PTPRD: variants seen among roughly 807,000 people sequenced by gnomAD.
PTPRD encodes receptor-type tyrosine-protein phosphatase delta.
Under a neutral mutation model 214.5 loss-of-function variants are expected in PTPRD, and 34 were observed. The ratio of observed to expected loss-of-function variants is 0.16; its 90% CI spans 0.12 to 0.21. The LOEUF (loss-of-function observed/expected upper bound fraction) is 0.21. Among genes scored for constraint, PTPRD ranks in the 10% least tolerant of loss-of-function variants. The pLI is 1.00. For synonymous variants in PTPRD, 1,128 were observed against 845.7 expected (o/e 1.33, Z -5.79); for missense variants, 2,545 against 2,398.7 (o/e 1.06, Z -1.27).
chr9:9,873,214 A>C (rs1317194857), intron 5 of PTPRD, among the ~76,000 whole-genome samples: 1 of 152,184 alleles, frequency 6.6e-6, no homozygotes, highest in African/African-American at 2.4e-5. Context: ...CTGTCTACTT[A>C]ACATGGAAAG....
intron 9 of PTPRD, among the ~76,000 whole-genome samples, chr9:9,305,390 A>T (rs889841039): frequency 6.6e-6 from 1 of 152,122 alleles, no homozygotes; most frequent in Non-Finnish European, 1.5e-5. Flanking sequence ...GGCTCTATTT[A>T]GTGTGAGGCA....
intron 3 of PTPRD, among the ~76,000 whole-genome samples, chr9:10,057,350 C>T (rs1339576859): frequency 6.6e-6 from 1 of 152,050 alleles, no homozygotes; most frequent in Non-Finnish European, 1.5e-5. Flanking sequence ...GAAATAGTCA[C>T]AAAGATGTTG....
At chr9:9,321,886 G>A (rs1257120954) in intron 9 of PTPRD, among the ~76,000 whole-genome samples, 1 of 152,106 alleles carries the variant, frequency 6.6e-6, no homozygotes, top group African/African-American at 2.4e-5. Context: ...TAACTTTATG[G>A]TAATAGACCT....
chr9:10,047,312 C>CGTGTGTGTGTG (rs1316571345), intron 3 of PTPRD, among the ~76,000 whole-genome samples: 3,130 of 138,774 alleles, frequency 0.023, 113 homozygotes, highest in African/African-American at 0.073. Flanking sequence ...AATCAACTAA[C>CGTGTGTGTGTG]TGTGTGTGTG....
rs556702351 is a variant in PTPRD at position 10,136,010 on chromosome 9, C to T, written c.-544-102220G>A. ...AGACCCACGTCATATGTAATGACACCCACAGGCTGAAAGAAAAGAAATGGA... is the reference window on the plus strand; with the variant it reads ...AGACCCACGTCATATGTAATGACACTCACAGGCTGAAAGAAAAGAAATGGA... On this transcript the variant is annotated intron_variant, in intron 3 of 45. Coordinates refer to ENST00000381196, the MANE Select transcript of PTPRD (RefSeq NM_002839.4). Among the ~76,000 whole-genome samples, 324 of 150,952 alleles carry T rather than the reference C, an allele frequency of 2.1e-3. 1 individual carries two copies. The highest frequency in any genetic ancestry group is 1.7e-3 in the Admixed American group (25 of 15,046).
chr9:8,757,645 T>C (rs2094113550), intron 11 of PTPRD, among the ~76,000 whole-genome samples: 1 of 139,370 alleles, frequency 7.2e-6, no homozygotes, highest in Admixed American at 7.0e-5. Flanking sequence ...TATATATACA[T>C]ACATATATAC....
At chr9:8,431,309 G>A (rs927427685) in intron 35 of PTPRD, among the ~76,000 whole-genome samples, 3 of 152,146 alleles carry the variant, frequency 2.0e-5, no homozygotes, top group African/African-American at 7.2e-5. Context: ...ACGCTGGCTT[G>A]TATAAGGGGA....
chr9:10,088,267 T>C (rs1383712888), intron 3 of PTPRD, among the ~76,000 whole-genome samples: 2 of 151,756 alleles, frequency 1.3e-5, no homozygotes, highest in African/African-American at 4.8e-5. Flanking sequence ...AAATTTCTTC[T>C]TTACCTAAAC....
chr9:8,937,467 T>A (rs1209385154), intron 11 of PTPRD, among the ~76,000 whole-genome samples: 1 of 152,144 alleles, frequency 6.6e-6, no homozygotes, highest in Admixed American at 6.6e-5. Flanking sequence ...AGAAAACACT[T>A]GGATGACTGT....
At chr9:9,287,557 T>C (rs1412834269) in intron 9 of PTPRD, among the ~76,000 whole-genome samples, 1 of 151,920 alleles carries the variant, frequency 6.6e-6, no homozygotes, top group Non-Finnish European at 1.5e-5. Context: ...TTATAAATCA[T>C]GGCCTTGAGA....
At chr9:8,525,663 C>T (rs1001940346) in intron 17 of PTPRD, among the ~76,000 whole-genome samples, 3 of 151,998 alleles carry the variant, frequency 2.0e-5, no homozygotes, top group African/African-American at 7.2e-5. Context: ...TGCTGAAAAA[C>T]AAAGAGCAGT....
intron 4 of PTPRD, among the ~76,000 whole-genome samples, chr9:9,989,754 C>T (rs367837110): frequency 6.6e-6 from 1 of 152,186 alleles, no homozygotes; most frequent in Admixed American, 6.5e-5. Flanking sequence ...CACTGTGACA[C>T]ACACCCGCTG....
At chr9:8,743,035 G>C in intron 11 of PTPRD, among the ~76,000 whole-genome samples, 1 of 145,570 alleles carries the variant, frequency 6.9e-6, no homozygotes, top group Non-Finnish European at 1.5e-5. Context: ...CATTCAGAAT[G>C]TCAGCAATGC....
intron 10 of PTPRD, among the ~76,000 whole-genome samples, chr9:9,093,753 A>G (rs1286146123): frequency 1.3e-5 from 2 of 151,886 alleles, no homozygotes; most frequent in East Asian, 3.9e-4. Context: ...AAAGTTCTCA[A>G]GTTAATGATC....
intron 2 of PTPRD, among the ~76,000 whole-genome samples, chr9:10,423,334 T>C (rs1796131671): frequency 6.6e-6 from 1 of 151,914 alleles, no homozygotes; most frequent in East Asian, 1.9e-4. Context: ...AGGGATACTA[T>C]TAGGAGAAAT....
intron 2 of PTPRD, among the ~76,000 whole-genome samples, chr9:10,505,368 CT>C (rs1320357706): frequency 6.6e-6 from 1 of 152,128 alleles, no homozygotes; most frequent in Non-Finnish European, 1.5e-5. Flanking sequence ...CATGAAAGAG[CT>C]GCATAAAACA....
intron 11 of PTPRD, among the ~76,000 whole-genome samples, chr9:8,815,980 C>T (rs373929595): frequency 6.6e-6 from 1 of 152,124 alleles, no homozygotes; most frequent in Non-Finnish European, 1.5e-5. Flanking sequence ...AATTGCTGTG[C>T]TAACAGAGCA....
rs575352865 is a variant in PTPRD at position 10,483,219 on chromosome 9, T to C, written c.-600+129179A>G. 1.6e-4 allele frequency among the ~76,000 whole-genome samples: 24 copies of C among 152,092 alleles called. 1 individual carries two copies. The highest frequency in any genetic ancestry group is 5.3e-4 in the African/African-American group (22 of 41,510). ...TATTCCATATATTTTGCTGAGAAAA[T>C]TGGATAGCCACGTGTAGAAAAATGA... is the stretch of plus-strand genomic sequence containing the variant. On this transcript the variant is annotated intron_variant, in intron 2 of 45. Coordinates refer to ENST00000381196, the MANE Select transcript of PTPRD (RefSeq NM_002839.4).
chr9:10,386,542 G>A (rs2097916869), intron 2 of PTPRD, among the ~76,000 whole-genome samples: 3 of 151,838 alleles, frequency 2.0e-5, no homozygotes, highest in Admixed American at 2.0e-4. Context: ...CACGCTAATG[G>A]AGGGAAAGAC....
Sources: allele counts gnomAD v4.1 joint callset (sites outside exome capture counted in the v4.1 genomes callset), GRCh38; gene constraint gnomAD v4.1.1; transcripts MANE v1.5; gene names NCBI Gene and HGNC (gene_info 2026-07-23, HGNC 2026-07-21).